Variants in PTPRN2 observed in about 807,000 individuals in gnomAD.
PTPRN2 encodes the protein protein tyrosine phosphatase receptor type N2.
Under a neutral mutation model 118.8 loss-of-function variants are expected in PTPRN2, and 74 were observed. The ratio of observed to expected loss-of-function variants is 0.62; its 90% confidence interval spans 0.52 to 0.76. The LOEUF is 0.76. Among genes scored for constraint, PTPRN2 ranks in the 30% least tolerant of loss-of-function variants. PTPRN2 has a pLI of 0.00. For missense variants in PTPRN2, 1,481 were observed against 1,394.4 expected (o/e 1.06, Z -0.99); for synonymous variants, 641 against 608.0 (o/e 1.05, Z -0.80).
At chr7:158,249,346 TCA>T (rs1563037128) in intron 3 of PTPRN2, among the ~76,000 whole-genome samples, 3 of 137,164 alleles carry the variant, frequency 2.2e-5, no homozygotes, top group African/African-American at 5.8e-5. Flanking sequence ...TGCACACACA[TCA>T]CACACATGCA....
At chr7:157,850,366 G>A (rs1490140678) in intron 12 of PTPRN2, among the ~76,000 whole-genome samples, 3 of 150,234 alleles carry the variant, frequency 2.0e-5, no homozygotes, top group African/African-American at 7.4e-5. Flanking sequence ...CCAGGTCTCC[G>A]AATTTCCATT....
chr7:158,383,471 G>C (rs1811113412), intron 2 of PTPRN2, among the ~76,000 whole-genome samples: 1 of 152,174 alleles, frequency 6.6e-6, no homozygotes, highest in Admixed American at 6.6e-5. Context: ...CTTTGTGGCT[G>C]CCAGTTTAAA....
In PTPRN2 at chr7:157,936,714, C is replaced by T. The variant is rs371474776; in HGVS notation, c.1724-37977G>A. ...TCTACAGTGCAGGTCTGACACCTCCCGTGTCTCCTCCACTCGGAAGCCAGG... is the reference window on the plus strand; with the variant it reads ...TCTACAGTGCAGGTCTGACACCTCCTGTGTCTCCTCCACTCGGAAGCCAGG... On this transcript the variant is annotated intron_variant, in intron 11 of 22. Transcript: ENST00000389418. 6.6e-4 allele frequency among the ~76,000 whole-genome samples: 98 copies of T among 148,858 alleles called. 3 individuals carry two copies. Among genetic ancestry groups the T allele is most frequent in the East Asian group, 4.6e-3 (23 of 4,988 alleles).
At chr7:158,019,993 C>G (rs940211713) in intron 11 of PTPRN2, among the ~76,000 whole-genome samples, 1 of 152,224 alleles carries the variant, frequency 6.6e-6, no homozygotes, top group African/African-American at 2.4e-5. Context: ...TGCTCCAAAC[C>G]ACACCGGCCA....
At position 158,509,506 on chromosome 7, in the gene PTPRN2, T is replaced by A. The variant is rs757052716; in HGVS notation, c.113-19721A>T. Among the ~76,000 whole-genome samples, 3 of 152,208 alleles carry A rather than the reference T, an allele frequency of 2.0e-5. No individual in the cohort carries two copies. The highest frequency in any genetic ancestry group is 4.4e-5 in the Non-Finnish European group (3 of 68,030). On this transcript the variant is annotated intron_variant, in intron 1 of 22. Coordinates refer to ENST00000389418, the MANE Select transcript of PTPRN2 (RefSeq NM_002847.5). This position sits in a 1 kb window ranked among gnomAD's most constrained non-coding sequence, Gnocchi z 4.4. ...TGGGACTTGGTGTCCAGTCCTCATC[T>A]CTTCTTTCTAGAAACCCAAGTTAAA... is the stretch of plus-strand genomic sequence containing the variant.
intron 11 of PTPRN2, among the ~76,000 whole-genome samples, chr7:157,904,588 T>C (rs1366177805): frequency 1.3e-5 from 2 of 152,210 alleles, no homozygotes; most frequent in Non-Finnish European, 2.9e-5. Flanking sequence ...GGAAATCTCT[T>C]TGGAGATTGC....
intron 11 of PTPRN2, among the ~76,000 whole-genome samples, chr7:157,971,781 A>G (rs568164831): frequency 2.0e-5 from 3 of 152,384 alleles, no homozygotes; most frequent in African/African-American, 7.2e-5. Context: ...AGAGGCGACA[A>G]TAGCTACTAC....
chr7:157,634,844 A>G (rs878979845), intron 14 of PTPRN2, among the ~76,000 whole-genome samples: 1 of 152,248 alleles, frequency 6.6e-6, no homozygotes, highest in Non-Finnish European at 1.5e-5. Flanking sequence ...AGAATTTTTA[A>G]GAGATGAAAA....
At chr7:158,573,992 A>G (rs948723072) in intron 1 of PTPRN2, among the ~76,000 whole-genome samples, 5 of 152,250 alleles carry the variant, frequency 3.3e-5, no homozygotes, top group African/African-American at 4.8e-5. Context: ...TGGATTGTTA[A>G]TAAGACAAAT....
intron 3 of PTPRN2, among the ~76,000 whole-genome samples, chr7:158,304,143 C>T (rs1018880240): frequency 1.3e-5 from 2 of 149,584 alleles, no homozygotes; most frequent in Non-Finnish European, 3.0e-5. Context: ...AGACATCCAT[C>T]AATACACATA....
rs779344038 is a variant in PTPRN2, at chr7:157,845,750, A to G, written c.1788+52923T>C. On this transcript the variant is annotated intron_variant, in intron 12 of 22. Transcript: ENST00000389418. The surrounding 1 kb of genome is among the most constrained non-coding windows in gnomAD (Gnocchi z 4.5). ...GTCCCTGTGCTCATGACTCACAGAGACGGGGACGGCAGCAAGGACACAGCA... is the reference window on the plus strand; with the variant it reads ...GTCCCTGTGCTCATGACTCACAGAGGCGGGGACGGCAGCAAGGACACAGCA... Among the ~76,000 whole-genome samples, 1 of 152,144 alleles carries G rather than the reference A, an allele frequency of 6.6e-6. No homozygotes were observed. The highest frequency in any genetic ancestry group is 1.5e-5 in the Non-Finnish European group (1 of 68,034).
chr7:157,770,695 C>T (rs939450170), intron 12 of PTPRN2, among the ~76,000 whole-genome samples: 43 of 152,218 alleles, frequency 2.8e-4, no homozygotes, highest in African/African-American at 8.9e-4. Context: ...CCCTCCAGCT[C>T]GGGTAGACGG....
chr7:157,905,109 C>G (rs114788222), intron 11 of PTPRN2, among the ~76,000 whole-genome samples: 1,613 of 152,274 alleles, frequency 0.011, 31 homozygotes, highest in African/African-American at 0.037. Context: ...GGGAGCCCGC[C>G]GTCCTCTCGC....
chr7:158,428,179 C>A (rs1278589258), intron 2 of PTPRN2, among the ~76,000 whole-genome samples: 1 of 152,212 alleles, frequency 6.6e-6, no homozygotes, highest in Non-Finnish European at 1.5e-5. Context: ...GAAATTCACT[C>A]CTGTAAGAGG....
chr7:158,021,451 T>TA (rs528496421), intron 11 of PTPRN2, among the ~76,000 whole-genome samples: 173 of 152,102 alleles, frequency 1.1e-3, no homozygotes, highest in Non-Finnish European at 2.0e-3. Context: ...AATAGATACA[T>TA]AAATGTGTGT....
chr7:157,953,908 A>G lies in PTPRN2; in HGVS notation c.1724-55171T>C, dbSNP rs997639530. ...TAAATATTCTCTCCTTTCCCTCACC[A>G]TGGAATGCACAAACGCTTGAAGATG... On this transcript the variant is annotated intron_variant, in intron 11 of 22. Coordinates refer to ENST00000389418, the MANE Select transcript of PTPRN2 (RefSeq NM_002847.5). This position sits in a 1 kb window ranked among gnomAD's most constrained non-coding sequence, Gnocchi z 4.6. 3.3e-5 allele frequency among the ~76,000 whole-genome samples: 5 copies of G among 152,168 alleles called. No individual in the cohort carries two copies. Among genetic ancestry groups the G allele is most frequent in the African/African-American group, 1.2e-4 (5 of 41,444 alleles).
chr7:157,924,760 T>A (rs114996577), intron 11 of PTPRN2, among the ~76,000 whole-genome samples: 198 of 152,394 alleles, frequency 1.3e-3, no homozygotes, highest in African/African-American at 4.6e-3. Context: ...ATGACTGAGA[T>A]GCACAGTTCT....
rs1320201007 is a variant in PTPRN2 at position 157,784,725 on chromosome 7, C to A, written c.1789-101788G>T. The stretch of plus-strand genomic sequence containing the variant: ...GGGCTGAGCTGATCCCGTGGCAGTG[C>A]AAACCGAGGGCCCCCTGGGTCTCGA... On this transcript the variant is annotated intron_variant, in intron 12 of 22. Coordinates refer to ENST00000389418, the MANE Select transcript of PTPRN2 (RefSeq NM_002847.5). This position sits in a 1 kb window ranked among gnomAD's most constrained non-coding sequence, Gnocchi z 4.6. Among the ~76,000 whole-genome samples the A allele has an allele frequency of 6.6e-6, 1 of 151,416 alleles. No individual in the cohort carries two copies. The highest frequency in any genetic ancestry group is 1.5e-5 in the Non-Finnish European group (1 of 67,802).
At chr7:158,210,167 G>A (rs891695575) in intron 3 of PTPRN2, among the ~76,000 whole-genome samples, 12 of 121,796 alleles carry the variant, frequency 9.9e-5, no homozygotes, top group South Asian at 5.0e-4. Context: ...ACGGAGTCTC[G>A]CTCTGTCGCC....
Sources: allele counts gnomAD v4.1 joint callset (sites outside exome capture counted in the v4.1 genomes callset), GRCh38; gene constraint gnomAD v4.1.1; non-coding constraint Gnocchi (gnomAD v3.1); transcripts MANE v1.5; gene names NCBI Gene and HGNC (gene_info 2026-07-23, HGNC 2026-07-21).